Variants in EXOC4 observed in about 807,000 individuals in gnomAD.
EXOC4 encodes exocyst complex component 4.
In EXOC4, 71 loss-of-function variants were observed where a neutral mutation model predicts 107.2. That is an observed-to-expected ratio of 0.66 (90% CI 0.55 to 0.81). The LOEUF is 0.81. Among genes scored for constraint, EXOC4 ranks in the 30% least tolerant of loss-of-function variants. EXOC4 has a pLI of 0.00. For synonymous variants in EXOC4, 456 were observed against 441.2 expected, an observed-to-expected ratio of 1.03 and a Z score of -0.42; for missense variants, 1,108 against 1,189.6, an observed-to-expected ratio of 0.93 and a Z score of 1.01.
chr7:133,258,620 T>A (rs1295163948), intron 1 of EXOC4, among the ~76,000 whole-genome samples: 2 of 152,176 alleles, frequency 1.3e-5, no homozygotes, highest in African/African-American at 4.8e-5. Context: ...CTTTCTAGGA[T>A]CTGTAGCCTC....
At chr7:133,783,113 T>C (rs1404851299) in intron 10 of EXOC4, among the ~76,000 whole-genome samples, 1 of 152,234 alleles carries the variant, frequency 6.6e-6, no homozygotes, top group East Asian at 1.9e-4. Flanking sequence ...TAATGCCTGA[T>C]ATATGGTAGC....
At chr7:133,843,734 T>G (rs1043007683) in intron 11 of EXOC4, among the ~76,000 whole-genome samples, 10 of 152,314 alleles carry the variant, frequency 6.6e-5, no homozygotes, top group African/African-American at 2.2e-4. Context: ...CGTTCTTTTC[T>G]TGCTCCAGTT....
downstream of EXOC4, among the ~76,000 whole-genome samples, chr7:134,069,301 C>A: frequency 1.8e-5 from 1 of 56,726 alleles, no homozygotes; most frequent in Admixed American, 1.8e-4. Flanking sequence ...TCATTCTCCT[C>A]CTCCTCCTTT....
At chr7:133,818,459 T>C (rs1178357763) in intron 11 of EXOC4, among the ~76,000 whole-genome samples, 1 of 152,204 alleles carries the variant, frequency 6.6e-6, no homozygotes, top group Non-Finnish European at 1.5e-5. Flanking sequence ...GATTTTTCTT[T>C]GTATGTTAGA....
chr7:133,466,398 A>G (rs1370572000), intron 7 of EXOC4, among the ~76,000 whole-genome samples: 1 of 152,168 alleles, frequency 6.6e-6, no homozygotes, highest in Non-Finnish European at 1.5e-5. Context: ...ATATAACTAC[A>G]GGCTCTACAG....
intron 14 of EXOC4, among the ~76,000 whole-genome samples, chr7:133,996,004 A>G (rs1794383773): frequency 6.6e-6 from 1 of 152,216 alleles, no homozygotes; most frequent in South Asian, 2.1e-4. Flanking sequence ...TCTTTGAAAA[A>G]GAGAAGGATG....
At chr7:133,514,120 GATTA>G (rs1799825930) in intron 9 of EXOC4, among the ~76,000 whole-genome samples, 1 of 151,542 alleles carries the variant, frequency 6.6e-6, no homozygotes, top group Non-Finnish European at 1.5e-5. Context: ...TAATCAATTT[GATTA>G]ATTTAGTTCT....
At chr7:133,826,533 A>T (rs547987798) in intron 11 of EXOC4, among the ~76,000 whole-genome samples, 17 of 152,290 alleles carry the variant, frequency 1.1e-4, no homozygotes, top group African/African-American at 3.8e-4. Context: ...AAAGACTAGG[A>T]TGAGAAGTAC....
At chr7:134,048,347 G>T (rs1795704082) in intron 17 of EXOC4, among the ~76,000 whole-genome samples, 1 of 152,172 alleles carries the variant, frequency 6.6e-6, no homozygotes, top group Non-Finnish European at 1.5e-5. Flanking sequence ...GTAGGAAGGG[G>T]TTTGTTTTGA....
At chr7:133,674,369 G>A (rs1163898952) in intron 10 of EXOC4, among the ~76,000 whole-genome samples, 20 of 152,090 alleles carry the variant, frequency 1.3e-4, no homozygotes, top group African/African-American at 2.4e-5. Flanking sequence ...GGTGGGGTCA[G>A]GGTTGCTGGA....
chr7:133,748,939 C>T (rs1174412167), intron 10 of EXOC4, among the ~76,000 whole-genome samples: 3 of 152,222 alleles, frequency 2.0e-5, no homozygotes, highest in African/African-American at 7.2e-5. Flanking sequence ...CCAAATGCTA[C>T]TCCAAGGCCA....
intron 9 of EXOC4, among the ~76,000 whole-genome samples, chr7:133,566,566 T>C (rs962092699): frequency 5.3e-5 from 8 of 152,204 alleles, no homozygotes; most frequent in African/African-American, 1.9e-4. Context: ...TTGTTTGTTT[T>C]GTTTTGTTTT....
chr7:133,281,770 C>T (rs997919089), intron 2 of EXOC4, among the ~76,000 whole-genome samples: 1 of 149,070 alleles, frequency 6.7e-6, no homozygotes, highest in East Asian at 2.0e-4. Flanking sequence ...GATATGATCT[C>T]GGCTTACTGC....
intron 10 of EXOC4, among the ~76,000 whole-genome samples, chr7:133,714,887 G>T (rs568865771): frequency 7.2e-5 from 11 of 152,232 alleles, no homozygotes; most frequent in African/African-American, 2.2e-4. Flanking sequence ...CTCTGCTACT[G>T]TGTGACCTTG....
At chr7:133,499,755 C>T (rs2150885689) in intron 9 of EXOC4, among the ~76,000 whole-genome samples, 1 of 152,178 alleles carries the variant, frequency 6.6e-6, no homozygotes, top group South Asian at 2.1e-4. Context: ...ATAGGGTTCT[C>T]CTGAGATTTT....
Position 133,257,585 on chromosome 7 carries a change from A to G in EXOC4, c.86+4398A>G, listed in dbSNP as rs140676839. Among the ~76,000 whole-genome samples the G allele has an allele frequency of 2.8e-4, 43 of 152,292 alleles. 3 individuals are homozygous for G. The highest frequency in any genetic ancestry group is 7.7e-4 in the African/African-American group (32 of 41,566). ...TTACTGTTAGGTGATTTGCTTTCCA[A>G]TTAAATGTTGTGTCACTTTATAACT... On this transcript the variant is annotated intron_variant, in intron 1 of 17. Coordinates refer to ENST00000253861, the MANE Select transcript of EXOC4 (RefSeq NM_021807.4).
At chr7:133,300,442 A>C (rs1362881958) in intron 3 of EXOC4, among the ~76,000 whole-genome samples, 1 of 152,188 alleles carries the variant, frequency 6.6e-6, no homozygotes, top group Non-Finnish European at 1.5e-5. Flanking sequence ...TCTTCACAAT[A>C]GCCCTGACCC....
At chr7:133,833,532 C>T (rs1282697977) in intron 11 of EXOC4, among the ~76,000 whole-genome samples, 4 of 152,108 alleles carry the variant, frequency 2.6e-5, no homozygotes, top group African/African-American at 9.7e-5. Context: ...TTTTAGAGGC[C>T]TCTTGCTTCC....
intron 10 of EXOC4, among the ~76,000 whole-genome samples, chr7:133,646,042 T>TCCTCTCCC (rs1167072953): frequency 3.3e-5 from 4 of 122,288 alleles, no homozygotes; most frequent in African/African-American, 1.1e-4. Context: ...TCTCCTCTCC[T>TCCTCTCCC]CCTCTCCCCA....
Sources: gnomAD v4.1 joint callset for allele counts (sites outside exome capture counted in the v4.1 genomes callset) on GRCh38, gnomAD v4.1.1 for gene constraint, MANE v1.5 for transcripts, NCBI Gene and HGNC (gene_info 2026-07-23, HGNC 2026-07-21) for gene names.